Variants in SLC9B1 observed in about 807,000 individuals in gnomAD.
SLC9B1 encodes solute carrier family 9 member B1.
In SLC9B1, 32 loss-of-function variants were observed where a neutral mutation model predicts 51.7. That is an observed-to-expected ratio of 0.62 (90% CI 0.47 to 0.83). The LOEUF is 0.83. SLC9B1 is among the 40% of genes least tolerant of loss of function. The pLI is 0.00. For synonymous variants in SLC9B1, 145 were observed against 212.7 expected, an observed-to-expected ratio of 0.68 and a Z score of 2.77; for missense variants, 406 against 613.2, an observed-to-expected ratio of 0.66 and a Z score of 3.57.
intron 11 of SLC9B1, among the ~76,000 whole-genome samples, chr4:102,902,392 C>T (rs565373127): frequency 3.9e-5 from 6 of 152,198 alleles, no homozygotes; most frequent in South Asian, 2.1e-4. Flanking sequence ...ATTTTTATAT[C>T]GTAACTTTTA....
intron 3 of SLC9B1, among the ~76,000 whole-genome samples, chr4:102,975,341 G>A (rs573544900): frequency 6.6e-6 from 1 of 151,992 alleles, no homozygotes; most frequent in Admixed American, 6.6e-5. Flanking sequence ...CCCATGTTTG[G>A]AGAATTTCTA....
chr4:102,913,209 A>G (rs1242281342), intron 7 of SLC9B1, among the ~76,000 whole-genome samples: 1 of 152,160 alleles, frequency 6.6e-6, no homozygotes, highest in Admixed American at 6.5e-5. Context: ...AGGTTACCTG[A>G]AGCTCTCTCT....
chr4:102,916,212 A>G (rs1161418303), intron 7 of SLC9B1, among the ~76,000 whole-genome samples: 2 of 152,188 alleles, frequency 1.3e-5, no homozygotes, highest in African/African-American at 4.8e-5. Flanking sequence ...ATTAGATCTA[A>G]AGACACACAA....
intron 4 of SLC9B1, among the ~76,000 whole-genome samples, chr4:102,948,626 T>C (rs1178011386): frequency 6.6e-5 from 10 of 152,182 alleles, no homozygotes; most frequent in Non-Finnish European, 1.5e-4. Flanking sequence ...TGGAATGCTA[T>C]GCATTCATAA....
Position 102,906,635 on chromosome 4 carries a change from G to A in SLC9B1, c.1096C>T (p.Gln366Ter), listed in dbSNP as rs1283859677. Residue 366 changes from glutamine (Q) to a stop codon, truncating the protein, a stop_gained, in exon 10 of 12, where the codon CAA becomes TAA. Transcript: ENST00000296422. LOFTEE classifies it high-confidence loss of function. The part of the protein sequence containing the change: ...TKWSQEKMKV[Q>*]KIITTVWDIF... ...TCCCATACAGTCGTAATAATCTTTTGGACTTTCATCTATAGAAAAGAGAAA... is the reference window on the plus strand; with the variant it reads ...TCCCATACAGTCGTAATAATCTTTTAGACTTTCATCTATAGAAAAGAGAAA... The A allele has an allele frequency of 1.3e-5, 21 of 1,564,376 alleles. No individual in the cohort carries two copies. The South Asian group carries it at 2.4e-4, about 18-fold the overall frequency.
intron 7 of SLC9B1, among the ~76,000 whole-genome samples, chr4:102,918,976 C>A (rs1405843176): frequency 2.0e-5 from 3 of 152,186 alleles, no homozygotes; most frequent in Non-Finnish European, 4.4e-5. Flanking sequence ...CTCTCTGAAG[C>A]AATAGCCTGA....
chr4:103,019,315 ATCTCT>A (rs1454711198), intron 1 of SLC9B1, among the ~76,000 whole-genome samples: 3 of 152,350 alleles, frequency 2.0e-5, no homozygotes, highest in South Asian at 2.1e-4. Flanking sequence ...TAACTGACAG[ATCTCT>A]TCTTTCTTAC....
At chr4:102,993,782 T>A (rs544871907) in intron 1 of SLC9B1, among the ~76,000 whole-genome samples, 2 of 152,242 alleles carry the variant, frequency 1.3e-5, no homozygotes, top group East Asian at 3.9e-4. Context: ...TTCCCAAAGC[T>A]CAGTTCCTGA....
chr4:102,967,451 GTTC>G (rs1056675332), intron 3 of SLC9B1, among the ~76,000 whole-genome samples: 6 of 152,196 alleles, frequency 3.9e-5, no homozygotes, highest in Admixed American at 1.3e-4. Flanking sequence ...TTGGCTTGCA[GTTC>G]TGCAGGCTGG....
At chr4:103,003,879 C>A (rs563408507) in intron 1 of SLC9B1, among the ~76,000 whole-genome samples, 57 of 152,310 alleles carry the variant, frequency 3.7e-4, no homozygotes, top group Non-Finnish European at 1.3e-4. Flanking sequence ...AGCCAGCCAA[C>A]TGAACCCACC....
At chr4:102,962,527 C>A in intron 3 of SLC9B1, 1 of 477,370 alleles carries the variant, frequency 2.1e-6, no homozygotes, top group Non-Finnish European at 4.3e-6. Context: ...AGGTACTGGC[C>A]TTGGCAGTAT....
chr4:102,930,577 G>T (rs1229905563), intron 7 of SLC9B1, among the ~76,000 whole-genome samples: 3 of 151,852 alleles, frequency 2.0e-5, no homozygotes, highest in East Asian at 1.9e-4. Flanking sequence ...GCTAAGTTTT[G>T]TATTTTTAGT....
intron 9 of SLC9B1, among the ~76,000 whole-genome samples, chr4:102,909,630 T>C (rs1208447636): frequency 6.6e-6 from 1 of 151,746 alleles, no homozygotes; most frequent in Non-Finnish European, 1.5e-5. Flanking sequence ...ACAACACTGT[T>C]TATGACAGCA....
At chr4:102,917,256 A>G (rs370845278) in intron 7 of SLC9B1, among the ~76,000 whole-genome samples, 1 of 151,794 alleles carries the variant, frequency 6.6e-6, no homozygotes, top group African/African-American at 2.4e-5. Flanking sequence ...GAGACTTTCA[A>G]ATTTGGACTG....
chr4:103,003,453 T>C (rs745361766), intron 1 of SLC9B1, among the ~76,000 whole-genome samples: 16 of 152,220 alleles, frequency 1.1e-4, no homozygotes, highest in Admixed American at 2.0e-4. Flanking sequence ...CTGTGATCCA[T>C]CATCCTCAAA....
At chr4:103,008,793 G>GTTTT (rs1237545163) in intron 1 of SLC9B1, among the ~76,000 whole-genome samples, 4 of 115,440 alleles carry the variant, frequency 3.5e-5, no homozygotes, top group East Asian at 2.6e-4. Flanking sequence ...GGCTTTAACA[G>GTTTT]TTTCTTTTTT....
At chr4:103,010,254 A>G (rs1477712791) in intron 1 of SLC9B1, among the ~76,000 whole-genome samples, 3 of 151,984 alleles carry the variant, frequency 2.0e-5, no homozygotes, top group East Asian at 3.9e-4. Context: ...CAGCATCTTG[A>G]GAGGGCCTTC....
intron 11 of SLC9B1, among the ~76,000 whole-genome samples, chr4:102,894,175 T>C (rs1367815101): frequency 2.6e-5 from 4 of 152,182 alleles, no homozygotes; most frequent in Non-Finnish European, 4.4e-5. Flanking sequence ...CCACTCCTAA[T>C]GAAGATTCTT....
At chr4:102,913,890 A>G (rs977802711) in intron 7 of SLC9B1, among the ~76,000 whole-genome samples, 6 of 151,962 alleles carry the variant, frequency 3.9e-5, no homozygotes, top group African/African-American at 1.2e-4. Flanking sequence ...GAAATCACCA[A>G]CAGACTGTGT....
Sources: gnomAD v4.1 joint callset for allele counts (sites outside exome capture counted in the v4.1 genomes callset) on GRCh38, gnomAD v4.1.1 for gene constraint, MANE v1.5 for transcripts, NCBI Gene and HGNC (gene_info 2026-07-23, HGNC 2026-07-21) for gene names.